DLL4: variants seen among roughly 807,000 people sequenced by gnomAD.
DLL4 encodes the protein delta-like protein 4.
In DLL4, 7 loss-of-function variants were observed where a neutral mutation model predicts 73.6. The observed-to-expected ratio is 0.10, with a 90% CI of 0.05 to 0.18. The LOEUF (loss-of-function observed/expected upper bound fraction) is 0.18, where lower values mean the gene tolerates loss of function less well. Ranked by LOEUF, DLL4 falls within the 10% of genes least tolerant of loss-of-function variation. DLL4 has a pLI of 1.00. For synonymous variants in DLL4, 345 were observed against 374.3 expected, an observed-to-expected ratio of 0.92 and a Z score of 0.90; for missense variants, 614 against 929.9, an observed-to-expected ratio of 0.66 and a Z score of 4.42.
Position 40,930,752 on chromosome 15 carries a change from G to A in DLL4, c.394+70G>A, listed in dbSNP as rs556678056. 1.3e-6 allele frequency: 2 copies of A among 1,519,344 alleles called. No individual in the cohort carries two copies. Among genetic ancestry groups the A allele is most frequent in the Non-Finnish European group, 1.8e-6 (2 of 1,104,372 alleles). The allele number at this position is 1,519,344 out of a possible 1,614,324, so 94.1% of individuals were successfully genotyped here. ...CGCCGAAAGAGTTAATCTGTTCTAG[G>A]CGGGGGAAGTGCGGGCTTGGGGGTG... On this transcript the variant is annotated intron_variant, in intron 3 of 10. Coordinates refer to ENST00000249749, the MANE Select transcript of DLL4 (RefSeq NM_019074.4). This position sits in a 1 kb window ranked among gnomAD's most constrained non-coding sequence, Gnocchi z 5.7.
intron 7 of DLL4, 38 bp from the exon 8 acceptor site, chr15:40,934,860 C>CA: frequency 6.2e-7 from 1 of 1,602,286 alleles, no homozygotes; most frequent in Non-Finnish European, 8.5e-7. Flanking sequence ...CCCTGCCCCC[C>CA]AGGGTCTGAC....
intron 10 of DLL4, 93 bp from the exon 11 acceptor site, chr15:40,937,936 C>A: frequency 6.6e-7 from 1 of 1,505,274 alleles, no homozygotes; most frequent in Non-Finnish European, 9.0e-7. Flanking sequence ...CCCTGCCTGC[C>A]CCATCGCCTT....
At chr15:40,932,489 A>C in intron 6 of DLL4, 42 bp downstream of exon 6, 1 of 1,611,146 alleles carries the variant, frequency 6.2e-7, no homozygotes, top group South Asian at 1.1e-5. Context: ...TGCAAGAGAT[A>C]TGGGGCTGGG....
intron 7 of DLL4, 42 bp from the exon 8 acceptor site, chr15:40,934,856 C>T: frequency 6.3e-7 from 1 of 1,599,098 alleles, no homozygotes; most frequent in South Asian, 1.1e-5. Context: ...ACATCCCTGC[C>T]CCCCAGGGTC....
chr15:40,932,082 G>T lies in DLL4; in HGVS notation c.659-89G>T, dbSNP rs3212279. The stretch of plus-strand genomic sequence containing the variant: ...AGGAGTAGGAAGAGGGCCCAGGAGA[G>T]CTAGGGGATCCCCAGGGCCAGCAGG... On this transcript the variant is annotated intron_variant, in intron 4 of 10. Coordinates refer to ENST00000249749, the MANE Select transcript of DLL4 (RefSeq NM_019074.4). 0.41 allele frequency: 594,844 copies of T among 1,468,324 alleles called. 133,603 individuals are homozygous for T. The highest frequency in any genetic ancestry group is 0.47 in the Non-Finnish European group (496,890 of 1,059,956). The allele number at this position is 1,468,324 out of a possible 1,614,324, so 91.0% of individuals were successfully genotyped here.
In DLL4 at chr15:40,930,487, C is replaced by T. The variant is rs1013220392; in HGVS notation, c.337-138C>T. ...TTCCCTGCTCAAGCGCTACACTGTG[C>T]ACAGCCCCGTTATGTTGACCCGGGC... On this transcript the variant is annotated intron_variant, in intron 2 of 10. Coordinates refer to ENST00000249749, the MANE Select transcript of DLL4 (RefSeq NM_019074.4). This position sits in a 1 kb window ranked among gnomAD's most constrained non-coding sequence, Gnocchi z 5.7. 1.7e-5 allele frequency: 13 copies of T among 766,240 alleles called. No homozygotes were observed. The African/African-American group carries it at 1.9e-4, about 11-fold the overall frequency. 47.5% of individuals were successfully genotyped at this position (766,240 alleles called of 1,614,324 possible).
At chr15:40,937,809 T>C (rs1288220197) in intron 10 of DLL4, among the ~76,000 whole-genome samples, 1 of 152,168 alleles carries the variant, frequency 6.6e-6, no homozygotes, top group Non-Finnish European at 1.5e-5. Context: ...CCTCACCCCT[T>C]GTGCCCTTCC....
At position 40,937,472 on chromosome 15, in the gene DLL4, C is replaced by T. The variant is rs1234645325; in HGVS notation, c.1998C>T (p.Tyr666=). The part of the protein sequence containing the change: ...SAICSPRDSM[Y]QSVCLISEER... ...TATGCTCCCCCAGGGACTCCATGTA[C>T]CAGTCTGTGTGTTTGATATCAGAGG... Residue 666 remains tyrosine, a synonymous_variant, in exon 10 of 11, where the codon TAC becomes TAT. Coordinates refer to ENST00000249749, the MANE Select transcript of DLL4 (RefSeq NM_019074.4). 6.2e-7 allele frequency: 1 copy of T among 1,613,868 alleles called. No homozygotes were observed. The highest frequency in any genetic ancestry group is 8.5e-7 in the Non-Finnish European group (1 of 1,179,742).
chr15:40,934,814 T>G (rs1256060208), intron 7 of DLL4, 84 bp from the exon 8 acceptor site: 2 of 1,585,944 alleles, frequency 1.3e-6, no homozygotes, highest in Non-Finnish European at 1.7e-6. Context: ...TGGACAGGCA[T>G]TGTGGGCAGG....
chr15:40,933,397 A>G (rs1892798206), intron 6 of DLL4, among the ~76,000 whole-genome samples: 1 of 152,150 alleles, frequency 6.6e-6, no homozygotes, highest in South Asian at 2.1e-4. Context: ...TGACACAGTC[A>G]TATACTCATC....
chr15:40,930,414 A>G lies in DLL4; in HGVS notation c.337-211A>G, dbSNP rs1596191901. 2 of 634,824 alleles carry G rather than the reference A, an allele frequency of 3.2e-6. No individual in the cohort carries two copies. The highest frequency in any genetic ancestry group is 2.7e-5 in the Admixed American group (1 of 36,416). 39.3% of individuals were successfully genotyped at this position (634,824 alleles called of 1,614,324 possible). The stretch of plus-strand genomic sequence containing the variant: ...CCCTCCTCCAGTGGCTCTCCCTTAC[A>G]CTCTCCCGTCTCTCAACCCTCCCTC... On this transcript the variant is annotated intron_variant, in intron 2 of 10. Transcript: ENST00000249749. This position sits in a 1 kb window ranked among gnomAD's most constrained non-coding sequence, Gnocchi z 5.7.
chr15:40,936,175 GCCC>G, intron 8 of DLL4, 50 bp from the exon 9 acceptor site: 1 of 1,465,172 alleles, frequency 6.8e-7, no homozygotes, highest in Non-Finnish European at 9.1e-7. Flanking sequence ...CCCACCCCCT[GCCC>G]CAGGGAGCTC....
At position 40,936,859 on chromosome 15, in the gene DLL4, G is replaced by A; in HGVS notation, c.1872G>A (p.Arg624=). 6.2e-7 allele frequency: 1 copy of A among 1,613,210 alleles called. No individual in the cohort carries two copies. Among genetic ancestry groups the A allele is most frequent in the South Asian group, 1.1e-5 (1 of 91,078 alleles). ...ATCTGGCCCCAGGGCCCCTGGGGCG[G>A]GGGACCATGCCAGGAAAGTTTCCCC... is the stretch of plus-strand genomic sequence containing the variant. ...DYNLAPGPLG[R]GTMPGKFPHS... Residue 624 remains arginine, a synonymous_variant, in exon 9 of 11, where the codon CGG becomes CGA. Transcript: ENST00000249749.
rs779764235 is a variant in DLL4, at chr15:40,936,222, TCA to T, written c.1241-3_1241-2del. The T allele has an allele frequency of 3.2e-5, 51 of 1,570,960 alleles. No homozygotes were observed. Among genetic ancestry groups the T allele is most frequent in the Non-Finnish European group, 4.3e-5 (50 of 1,160,454 alleles). On this transcript the variant is annotated splice_polypyrimidine_tract_variant and splice_region_variant and intron_variant, in intron 8 of 10. Transcript: ENST00000249749. ...TCACTGACTTGTGTCTCATGCGTCC[TCA>T]CAGGGGGACAGTGCCTGAACCGAGG...
At position 40,930,345 on chromosome 15, in the gene DLL4, C is replaced by A; in HGVS notation, c.336+229C>A. 1.5e-6 allele frequency: 1 copy of A among 659,186 alleles called. No homozygotes were observed. The highest frequency in any genetic ancestry group is 2.6e-6 in the Non-Finnish European group (1 of 387,054). 40.8% of individuals were successfully genotyped at this position (659,186 alleles called of 1,614,324 possible). A position where few individuals can be genotyped will look rare whatever the true frequency, so the allele number is the denominator to read the frequency against. On this transcript the variant is annotated intron_variant, in intron 2 of 10. Coordinates refer to ENST00000249749, the MANE Select transcript of DLL4 (RefSeq NM_019074.4). The surrounding 1 kb of genome is among the most constrained non-coding windows in gnomAD (Gnocchi z 5.7). ...GTCCTCCCGTCCCCAGCTCTTGGGA[C>A]ACGATTTTCATTACCTACCACTCTG...
In DLL4 at chr15:40,936,921, G is replaced by A. The variant is rs1201855711; in HGVS notation, c.1934G>A (p.Arg645Gln). Residue 645 changes from arginine (R) to glutamine (Q), a missense_variant, in exon 9 of 11, where the codon CGG becomes CAG. Physicochemically the swap from Arg to Gln is conservative, Grantham distance 43. Transcript: ENST00000249749. ...AGCTTAGGAGAGAAGGCGCCACTGC[G>A]GTTACACAGGTGAGTGGCACCCAGA... is the stretch of plus-strand genomic sequence containing the variant. The part of the protein sequence containing the change: ...DKSLGEKAPL[R>Q]LHSEKPECRI... 22 of 1,597,464 alleles carry A rather than the reference G, an allele frequency of 1.4e-5. No individual in the cohort carries two copies. Among genetic ancestry groups the A allele is most frequent in the African/African-American group, 5.4e-5 (4 of 74,208 alleles).
intron 6 of DLL4, among the ~76,000 whole-genome samples, chr15:40,933,008 T>A (rs1892790437): frequency 6.6e-6 from 1 of 152,174 alleles, no homozygotes; most frequent in African/African-American, 2.4e-5. Context: ...CTCTACCTGG[T>A]GTTTAGGGGT....
In DLL4 at chr15:40,929,667, G is replaced by A. The variant is rs1253115456; in HGVS notation, c.-2G>A. On this transcript the variant is annotated 5_prime_UTR_variant, in exon 1 of 11. Transcript: ENST00000249749. The surrounding 1 kb of genome is among the most constrained non-coding windows in gnomAD (Gnocchi z 7.1). ...CGGGTGGAGAGAGCGACGCCCGAGGGGATGGCGGCAGCGTCCCGGAGCGCC... is the reference window on the plus strand; with the variant it reads ...CGGGTGGAGAGAGCGACGCCCGAGGAGATGGCGGCAGCGTCCCGGAGCGCC... 11 of 1,543,776 alleles carry A rather than the reference G, an allele frequency of 7.1e-6. No individual in the cohort carries two copies. The African/African-American group carries it at 1.2e-4, about 17-fold the overall frequency.
chr15:40,936,919 G>A lies in DLL4; in HGVS notation c.1932G>A (p.Leu644=), dbSNP rs112960001. ...AGAGCTTAGGAGAGAAGGCGCCACT[G>A]CGGTTACACAGGTGAGTGGCACCCA... The part of the protein sequence containing the change: ...SDKSLGEKAP[L]RLHSEKPECR... The change falls in exon 9 of 11, where the codon CTG becomes CTA. Residue 644 remains leucine (L), a synonymous_variant. Coordinates refer to ENST00000249749, the MANE Select transcript of DLL4 (RefSeq NM_019074.4). The A allele has an allele frequency of 6.2e-6, 10 of 1,600,796 alleles. No individual in the cohort carries two copies. The highest frequency in any genetic ancestry group is 5.4e-5 in the African/African-American group (4 of 74,302).
Sources: gnomAD v4.1 joint callset for allele counts (sites outside exome capture counted in the v4.1 genomes callset) on GRCh38, gnomAD v4.1.1 for gene constraint, Gnocchi (gnomAD v3.1) non-coding constraint, MANE v1.5 for transcripts, NCBI Gene and HGNC (gene_info 2026-07-23, HGNC 2026-07-21) for gene names.